Variants in POU2F1 observed in about 807,000 individuals in gnomAD.
POU2F1 encodes the protein POU domain, class 2, transcription factor 1.
POU2F1 carries 16 observed loss-of-function variants against 84.9 expected under a neutral mutation model. The ratio of observed to expected loss-of-function variants is 0.19; its 90% CI spans 0.13 to 0.29. The LOEUF (loss-of-function observed/expected upper bound fraction) is 0.29, where lower values mean the gene tolerates loss of function less well. POU2F1 is among the 10% of genes least tolerant of loss of function. The pLI, the probability that POU2F1 is intolerant of heterozygous loss-of-function variation, is 1.00. For missense variants in POU2F1, 738 were observed against 942.6 expected (o/e 0.78, Z 2.84); for synonymous variants, 368 against 368.3 (o/e 1.00, Z 0.01).
At chr1:167,337,341 A>G (rs994184466) in intron 2 of POU2F1, among the ~76,000 whole-genome samples, 5 of 152,030 alleles carry the variant, frequency 3.3e-5, no homozygotes, top group Admixed American at 3.3e-4. Context: ...AAAGAAAGAA[A>G]AAAGAGAATG....
chr1:167,365,894 A>G (rs1282901807), intron 3 of POU2F1, among the ~76,000 whole-genome samples: 1 of 152,194 alleles, frequency 6.6e-6, no homozygotes, highest in Non-Finnish European at 1.5e-5. Flanking sequence ...AGAAAGATGT[A>G]GCTACCATTG....
chr1:167,307,451 A>G (rs1241255566), intron 1 of POU2F1, among the ~76,000 whole-genome samples: 2 of 142,534 alleles, frequency 1.4e-5, no homozygotes, highest in Middle Eastern at 3.5e-3. Context: ...GGAGAGGTCA[A>G]AGCCATACTA....
At position 167,418,183 on chromosome 1, in the gene POU2F1, T is replaced by G. The variant is rs1334639434; in HGVS notation, c.*2373T>G. ...GGAGATAGATGCTACTGACAATTTC[T>G]TTTTCATTTGTCTTTATTAATTTTA... On this transcript the variant is annotated 3_prime_UTR_variant, in exon 16 of 16. Coordinates refer to ENST00000367866, the MANE Select transcript of POU2F1 (RefSeq NM_002697.4). The G allele has an allele frequency of 6.6e-6, 1 of 152,238 alleles. No individual in the cohort carries two copies. Among genetic ancestry groups the G allele is most frequent in the African/African-American group, 2.4e-5 (1 of 41,462 alleles). The allele number at this position is 152,238 out of a possible 1,614,324, so 9.4% of individuals were successfully genotyped here.
At chr1:167,351,179 C>A (rs1658535936) in intron 2 of POU2F1, among the ~76,000 whole-genome samples, 1 of 151,828 alleles carries the variant, frequency 6.6e-6, no homozygotes. Flanking sequence ...ATGGTGAAAC[C>A]CCATCCCTAC....
At chr1:167,383,169 T>C (rs1443703353) in intron 7 of POU2F1, among the ~76,000 whole-genome samples, 1 of 152,218 alleles carries the variant, frequency 6.6e-6, no homozygotes, top group Non-Finnish European at 1.5e-5. Context: ...ACTTAAACTC[T>C]TTACTCTGTA....
intron 1 of POU2F1, among the ~76,000 whole-genome samples, chr1:167,310,903 C>G (rs1456272634): frequency 6.6e-6 from 1 of 152,102 alleles, no homozygotes; most frequent in African/African-American, 2.4e-5. Context: ...ATGGAGGAGA[C>G]AGAGTGAACT....
chr1:167,329,351 A>G, intron 1 of POU2F1: 4 of 1,536,486 alleles, frequency 2.6e-6, no homozygotes, highest in Non-Finnish European at 3.5e-6. Flanking sequence ...TAATATGGAA[A>G]TAGAGTGTGT....
rs1409789251 is a variant in POU2F1 at position 167,415,644 on chromosome 1, C to T, written c.2135C>T (p.Pro712Leu). Residue 712 changes from proline (P) to leucine (L), a missense_variant, in exon 16 of 16, where the codon CCT (proline) becomes CTT (leucine). Physicochemically the swap from Pro to Leu is moderately conservative, Grantham distance 98 (BLOSUM62 -3). Transcript: ENST00000367866. ...AACCTCTCTCTGCTCACCAGCAACC[C>T]TGTTAGCTTGGTCTCTGCCGCCGCA... Reference protein sequence around the residue: ...PQNLSLLTSNPVSLVSAAAAS... With the variant: ...PQNLSLLTSNLVSLVSAAAAS... 2.5e-6 allele frequency: 4 copies of T among 1,614,174 alleles called. No individual in the cohort carries two copies. Among genetic ancestry groups the T allele is most frequent in the Admixed American group, 1.7e-5 (1 of 60,022 alleles).
intron 1 of POU2F1, among the ~76,000 whole-genome samples, chr1:167,293,633 G>C (rs1654081154): frequency 6.6e-6 from 1 of 152,082 alleles, no homozygotes; most frequent in African/African-American, 2.4e-5. Context: ...CCAAAAAAGA[G>C]CTCAGGTAGC....
chr1:167,316,049 G>T (rs1655870759), intron 1 of POU2F1, among the ~76,000 whole-genome samples: 1 of 152,174 alleles, frequency 6.6e-6, no homozygotes, highest in South Asian at 2.1e-4. Flanking sequence ...GCAGATTAGT[G>T]GTTGTTAGGG....
intron 1 of POU2F1, among the ~76,000 whole-genome samples, chr1:167,329,600 T>C (rs1468668295): frequency 6.6e-6 from 1 of 152,154 alleles, no homozygotes; most frequent in African/African-American, 2.4e-5. Context: ...ATTGAGAACA[T>C]TTCATGTAGT....
chr1:167,274,112 A>G (rs1652558745), intron 1 of POU2F1, among the ~76,000 whole-genome samples: 1 of 152,202 alleles, frequency 6.6e-6, no homozygotes, highest in African/African-American at 2.4e-5. Context: ...AAGAGTAATA[A>G]GGTTGAGATT....
At chr1:167,302,754 T>C (rs1033550433) in intron 1 of POU2F1, among the ~76,000 whole-genome samples, 6 of 152,220 alleles carry the variant, frequency 3.9e-5, no homozygotes, top group Non-Finnish European at 8.8e-5. Flanking sequence ...ACTCAATCAG[T>C]TACACTGACT....
At chr1:167,326,779 C>G (rs1335796567) in intron 1 of POU2F1, among the ~76,000 whole-genome samples, 1 of 152,138 alleles carries the variant, frequency 6.6e-6, no homozygotes, top group Non-Finnish European at 1.5e-5. Context: ...TGGGTACAGA[C>G]ACACTCCTTT....
At chr1:167,371,847 A>T in intron 4 of POU2F1, 70 bp from the exon 5 acceptor site, 1 of 1,580,636 alleles carries the variant, frequency 6.3e-7, no homozygotes, top group Non-Finnish European at 8.7e-7. Flanking sequence ...TTCCTAAAAG[A>T]TGGGGTTTTA....
chr1:167,262,485 G>A (rs558078085), intron 1 of POU2F1, among the ~76,000 whole-genome samples: 12 of 152,312 alleles, frequency 7.9e-5, no homozygotes, highest in African/African-American at 2.9e-4. Context: ...ATCAGAAACC[G>A]TATCTGCCCT....
At chr1:167,257,632 G>T (rs1571179238) in intron 1 of POU2F1, among the ~76,000 whole-genome samples, 1 of 152,302 alleles carries the variant, frequency 6.6e-6, no homozygotes, top group East Asian at 1.9e-4. Context: ...TGATTGCATT[G>T]TAGGAAATAT....
intron 1 of POU2F1, among the ~76,000 whole-genome samples, chr1:167,314,408 G>A (rs1269689376): frequency 6.6e-6 from 1 of 152,202 alleles, no homozygotes. Flanking sequence ...TAGATTTGGA[G>A]AAGCAGATCT....
chr1:167,254,856 A>G (rs781569315), intron 1 of POU2F1, among the ~76,000 whole-genome samples: 11 of 152,228 alleles, frequency 7.2e-5, no homozygotes, highest in Non-Finnish European at 1.3e-4. Context: ...GACTATCATT[A>G]ATAGCAATAT....
Sources: allele counts gnomAD v4.1 joint callset (sites outside exome capture counted in the v4.1 genomes callset), GRCh38; gene constraint gnomAD v4.1.1; transcripts MANE v1.5; gene names NCBI Gene and HGNC (gene_info 2026-07-23, HGNC 2026-07-21).